The following DGKI variants were observed in gnomAD, a reference collection of about 807,000 sequenced individuals.
The protein encoded by DGKI is DAG kinase iota.
DGKI carries 55 observed loss-of-function variants against 147.5 expected under a neutral mutation model. That is an observed-to-expected ratio of 0.37 (90% CI 0.30 to 0.47). DGKI has a LOEUF of 0.47. Among genes scored for constraint, DGKI ranks in the 20% least tolerant of loss-of-function variants. The probability of loss-of-function intolerance (pLI) is 1.00; values close to 1 mark genes in which losing one functional copy is unlikely to be tolerated. For missense variants in DGKI, 1,007 were observed against 1,323.8 expected (o/e 0.76, Z 3.71); for synonymous variants, 469 against 477.1 (o/e 0.98, Z 0.22).
intron 1 of DGKI, among the ~76,000 whole-genome samples, chr7:137,833,932 C>T (rs927040059): frequency 6.6e-6 from 1 of 152,174 alleles, no homozygotes; most frequent in African/African-American, 2.4e-5. Context: ...CAGAATAATG[C>T]TTAAGTGCAC....
At chr7:137,809,936 G>A (rs1342959373) in intron 1 of DGKI, among the ~76,000 whole-genome samples, 1 of 152,058 alleles carries the variant, frequency 6.6e-6, no homozygotes, top group Admixed American at 6.6e-5. Context: ...TAAAAAAAAA[G>A]GTGAAAAAAT....
intron 6 of DGKI, among the ~76,000 whole-genome samples, 200 bp downstream of exon 6, chr7:137,645,272 T>A (rs1456809029): frequency 2.0e-5 from 3 of 152,228 alleles, no homozygotes; most frequent in Non-Finnish European, 4.4e-5. Flanking sequence ...ATGTGCTAAT[T>A]CTTTTTATTA....
intron 12 of DGKI, among the ~76,000 whole-genome samples, chr7:137,593,185 G>A (rs1819673689): frequency 6.6e-6 from 1 of 152,108 alleles, no homozygotes; most frequent in Non-Finnish European, 1.5e-5. Context: ...AATGGTTAAA[G>A]GTGGACTTGC....
chr7:137,777,504 C>G (rs1563193423), intron 1 of DGKI, among the ~76,000 whole-genome samples: 1 of 152,226 alleles, frequency 6.6e-6, no homozygotes, highest in African/African-American at 2.4e-5. Flanking sequence ...CCTCAGTGTT[C>G]CTCTGTGTCA....
chr7:137,437,347 T>C (rs1426856430), intron 28 of DGKI, among the ~76,000 whole-genome samples: 3 of 152,184 alleles, frequency 2.0e-5, no homozygotes, highest in East Asian at 3.8e-4. Flanking sequence ...TGCATTTCAA[T>C]ATGCCAGCAA....
intron 1 of DGKI, among the ~76,000 whole-genome samples, chr7:137,825,627 C>T (rs1365469468): frequency 6.6e-6 from 1 of 151,758 alleles, no homozygotes; most frequent in African/African-American, 2.4e-5. Flanking sequence ...CACACACACA[C>T]TCTCACACAC....
intron 21 of DGKI, among the ~76,000 whole-genome samples, chr7:137,518,222 A>T (rs1395038767): frequency 1.3e-5 from 2 of 152,132 alleles, no homozygotes; most frequent in Non-Finnish European, 2.9e-5. Context: ...ACAGCATTAC[A>T]TTTAACCCTC....
intron 28 of DGKI, among the ~76,000 whole-genome samples, chr7:137,424,937 T>C (rs1006284550): frequency 6.6e-6 from 1 of 152,226 alleles, no homozygotes; most frequent in Non-Finnish European, 1.5e-5. Flanking sequence ...TGCCTGCCTC[T>C]GTAGGCTCCA....
intron 12 of DGKI, among the ~76,000 whole-genome samples, chr7:137,591,195 G>A (rs1324187080): frequency 6.6e-6 from 1 of 152,342 alleles, no homozygotes; most frequent in African/African-American, 2.4e-5. Context: ...GTGTGTGAAT[G>A]TAAAGGTGCT....
chr7:137,653,200 C>A (rs567385590), intron 5 of DGKI, among the ~76,000 whole-genome samples: 16 of 152,320 alleles, frequency 1.1e-4, no homozygotes, highest in African/African-American at 3.6e-4. Context: ...CCTCTTGTGT[C>A]CAAAATCCAA....
chr7:137,618,151 A>ATATATATATATATATATATATATATATTT, intron 8 of DGKI, among the ~76,000 whole-genome samples: 15 of 10,456 alleles, frequency 1.4e-3, no homozygotes, highest in Non-Finnish European at 4.3e-3. Context: ...ATATATATAT[A>ATATATATATATATATATATATATATATTT]TTTTTTTTTT....
At chr7:137,414,200 T>C (rs541284963) in intron 28 of DGKI, among the ~76,000 whole-genome samples, 1 of 152,274 alleles carries the variant, frequency 6.6e-6, no homozygotes, top group Admixed American at 6.5e-5. Flanking sequence ...ACCATAAGAA[T>C]GTTAAACTTA....
At chr7:137,433,875 T>C (rs896891442) in intron 28 of DGKI, among the ~76,000 whole-genome samples, 1 of 152,092 alleles carries the variant, frequency 6.6e-6, no homozygotes, top group Non-Finnish European at 1.5e-5. Flanking sequence ...GCCAGAACTT[T>C]GGGAGGCTGA....
chr7:137,827,446 C>T (rs1425954653), intron 1 of DGKI, among the ~76,000 whole-genome samples: 1 of 152,208 alleles, frequency 6.6e-6, no homozygotes, highest in Non-Finnish European at 1.5e-5. Context: ...TCATACATTT[C>T]TACCACTGTA....
At chr7:137,645,351 G>C in intron 6 of DGKI, 121 bp downstream of exon 6, 1 of 721,936 alleles carries the variant, frequency 1.4e-6, no homozygotes. Flanking sequence ...GGACAAGTAA[G>C]GTCTTTCAGA....
chr7:137,642,960 G>GTC (rs1456014902), intron 6 of DGKI, among the ~76,000 whole-genome samples: 2 of 151,114 alleles, frequency 1.3e-5, no homozygotes, highest in African/African-American at 4.9e-5. Flanking sequence ...GTGTGTGTGT[G>GTC]TGTGTGTGTG....
intron 2 of DGKI, among the ~76,000 whole-genome samples, chr7:137,685,118 A>G (rs978782794): frequency 9.9e-5 from 15 of 152,202 alleles, no homozygotes; most frequent in African/African-American, 3.4e-4. Flanking sequence ...TGATGTTTCT[A>G]TCTGCCTCAG....
intron 1 of DGKI, among the ~76,000 whole-genome samples, chr7:137,825,780 T>C (rs1030974266): frequency 6.6e-6 from 1 of 152,178 alleles, no homozygotes; most frequent in Middle Eastern, 3.2e-3. Context: ...GGTGACACAG[T>C]AACAGACTTG....
intron 10 of DGKI, among the ~76,000 whole-genome samples, chr7:137,600,661 T>C (rs1224013698): frequency 2.6e-5 from 4 of 152,222 alleles, no homozygotes; most frequent in Non-Finnish European, 2.9e-5. Flanking sequence ...CAGATTATTG[T>C]CTGTATAATA....
Sources: allele counts gnomAD v4.1 joint callset (sites outside exome capture counted in the v4.1 genomes callset), GRCh38; gene constraint gnomAD v4.1.1; transcripts MANE v1.5; gene names NCBI Gene and HGNC (gene_info 2026-07-23, HGNC 2026-07-21).